The following WDFY4 variants were observed in gnomAD, a reference collection of about 807,000 sequenced individuals.
The protein encoded by WDFY4 is WD repeat- and FYVE domain-containing protein 4.
A neutral mutation model predicts 351.9 loss-of-function variants in WDFY4; 169 were observed. The ratio of observed to expected loss-of-function variants is 0.48; its 90% CI spans 0.42 to 0.55. The LOEUF (loss-of-function observed/expected upper bound fraction) is 0.55, where lower values mean the gene tolerates loss of function less well. WDFY4 is among the 20% of genes least tolerant of loss of function. The pLI is 0.00. For synonymous variants in WDFY4, 1,622 were observed against 1,574.6 expected (o/e 1.03, Z -0.71); for missense variants, 3,803 against 3,935.6 (o/e 0.97, Z 0.90).
chr10:48,876,710 GA>G (rs1398597727), intron 42 of WDFY4, among the ~76,000 whole-genome samples: 1 of 152,212 alleles, frequency 6.6e-6, no homozygotes, highest in East Asian at 1.9e-4. Context: ...CTGGGCCTCT[GA>G]GGAGTTGCTT....
At chr10:48,770,582 T>G (rs2065830510) in intron 13 of WDFY4, among the ~76,000 whole-genome samples, 2 of 151,100 alleles carry the variant, frequency 1.3e-5, no homozygotes, top group Admixed American at 1.3e-4. Flanking sequence ...ATGTTACTTT[T>G]TTGTTTTGAG....
chr10:48,957,590 C>T (rs938868440), intron 52 of WDFY4, among the ~76,000 whole-genome samples: 15 of 152,226 alleles, frequency 9.9e-5, no homozygotes, highest in African/African-American at 3.1e-4. Context: ...TAGCCCAGGC[C>T]TGGCACTGCC....
chr10:48,765,802 G>C (rs951357953), intron 13 of WDFY4, among the ~76,000 whole-genome samples: 3 of 152,316 alleles, frequency 2.0e-5, no homozygotes, highest in Admixed American at 2.0e-4. Context: ...GTCATCCTCA[G>C]TCTGCATCTC....
chr10:48,735,332 T>C (rs1246921532), intron 10 of WDFY4, among the ~76,000 whole-genome samples: 1 of 152,248 alleles, frequency 6.6e-6, no homozygotes, highest in East Asian at 1.9e-4. Flanking sequence ...CAAGGAACTA[T>C]CTAGAAATTA....
chr10:48,925,740 G>A (rs1204127503), intron 47 of WDFY4, among the ~76,000 whole-genome samples: 1 of 152,102 alleles, frequency 6.6e-6, no homozygotes, highest in African/African-American at 2.4e-5. Context: ...AGAAGCAGGG[G>A]TTGGAATCTT....
chr10:48,710,203 C>A (rs1171203199), intron 2 of WDFY4, among the ~76,000 whole-genome samples: 1 of 152,186 alleles, frequency 6.6e-6, no homozygotes, highest in African/African-American at 2.4e-5. Context: ...AACATTAAGG[C>A]ACATTAAGTG....
At chr10:48,755,530 GT>G (rs1344934003) in intron 12 of WDFY4, among the ~76,000 whole-genome samples, 1 of 152,166 alleles carries the variant, frequency 6.6e-6, no homozygotes, top group Non-Finnish European at 1.5e-5. Flanking sequence ...TTTGTACCAT[GT>G]GTGAAGTTTA....
At position 48,822,427 on chromosome 10, in the gene WDFY4, C is replaced by G; in HGVS notation, c.5872C>G (p.Leu1958Val). 1.3e-6 allele frequency: 2 copies of G among 1,551,342 alleles called. No homozygotes were observed. Among genetic ancestry groups the G allele is most frequent in the African/African-American group, 2.7e-5 (2 of 73,172 alleles). ...PSAEAAAAPSLANISCFTQKL... is the reference protein window; with the variant it reads ...PSAEAAAAPSVANISCFTQKL... ...TGCAGAAGCTGCTGCTGCCCCTTCT[C>G]TTGCCAACATCTCCTGCTTCACCCA... The change falls in exon 35 of 62, where the codon CTT becomes GTT. Residue 1958 changes from leucine to valine, a missense_variant. Leu to Val is a conservative substitution (Grantham distance 32). Around this residue, in one of 3 missense-constraint regions of WDFY4, gnomAD observed 3,054 missense variants for 3,148.6 expected, o/e 0.97. Transcript: ENST00000325239.
intron 19 of WDFY4, 122 bp downstream of exon 19, chr10:48,780,241 G>A (rs2066175057): frequency 7.9e-7 from 1 of 1,260,784 alleles, no homozygotes; most frequent in Non-Finnish European, 1.1e-6. Context: ...TTACTGGTAG[G>A]GTTGGCATCT....
chr10:48,802,419 C>T (rs1412116692), intron 24 of WDFY4, among the ~76,000 whole-genome samples: 2 of 152,134 alleles, frequency 1.3e-5, no homozygotes, highest in Non-Finnish European at 1.5e-5. Context: ...TTTTATGGCA[C>T]CTCTTGCCAC....
chr10:48,872,264 G>A (rs187221616), intron 40 of WDFY4, among the ~76,000 whole-genome samples: 2 of 152,298 alleles, frequency 1.3e-5, no homozygotes, highest in East Asian at 3.9e-4. Flanking sequence ...CAGATATCAT[G>A]CACTCATAAA....
intron 20 of WDFY4, among the ~76,000 whole-genome samples, chr10:48,787,922 T>TTCC (rs2066514269): frequency 2.7e-5 from 2 of 74,138 alleles, no homozygotes; most frequent in African/African-American, 1.3e-4. Flanking sequence ...CTTCTTCTTC[T>TTCC]TCTTCTTCTT....
At chr10:48,840,911 G>T (rs2068582687) in intron 39 of WDFY4, among the ~76,000 whole-genome samples, 1 of 152,108 alleles carries the variant, frequency 6.6e-6, no homozygotes, top group Non-Finnish European at 1.5e-5. Flanking sequence ...CATCATTTGT[G>T]AGACATCTTT....
chr10:48,711,187 G>A (rs891724371), intron 2 of WDFY4, among the ~76,000 whole-genome samples: 3 of 152,160 alleles, frequency 2.0e-5, no homozygotes, highest in African/African-American at 4.8e-5. Flanking sequence ...TTGGGAACAC[G>A]TTTATAGGAT....
At chr10:48,924,206 G>A (rs775285680) in intron 47 of WDFY4, among the ~76,000 whole-genome samples, 4 of 152,196 alleles carry the variant, frequency 2.6e-5, no homozygotes, top group Non-Finnish European at 4.4e-5. Context: ...CCCTTTCTGC[G>A]CTTCTCCCTG....
intron 9 of WDFY4, among the ~76,000 whole-genome samples, chr10:48,732,692 G>A (rs1468905134): frequency 6.6e-6 from 1 of 152,244 alleles, no homozygotes; most frequent in Non-Finnish European, 1.5e-5. Context: ...AATGTTGTGA[G>A]ATTTTAACGA....
At chr10:48,761,443 G>A (rs982956644) in intron 13 of WDFY4, among the ~76,000 whole-genome samples, 1 of 152,208 alleles carries the variant, frequency 6.6e-6, no homozygotes, top group African/African-American at 2.4e-5. Context: ...CGGTCCATGT[G>A]ATGTGTGGTG....
chr10:48,821,605 C>T lies in WDFY4; in HGVS notation c.5824+429C>T, dbSNP rs147687591. ...AAGATGCTGCCATGCCCCTTCAGAG[C>T]TTAAAATTGAAGGTTCATTCAAAAA... On this transcript the variant is annotated intron_variant, in intron 34 of 61. Transcript: ENST00000325239. Among the ~76,000 whole-genome samples, 20 of 152,316 alleles carry T rather than the reference C, an allele frequency of 1.3e-4. No homozygotes were observed. The East Asian group carries it at 2.9e-3, about 22-fold the overall frequency.
chr10:48,894,363 C>T (rs114674369), intron 44 of WDFY4, among the ~76,000 whole-genome samples: 2,527 of 152,258 alleles, frequency 0.017, 77 homozygotes, highest in African/African-American at 0.057. Context: ...GCATTTCTGC[C>T]TCCAGGGAGA....
Sources: gnomAD v4.1 joint callset for allele counts (sites outside exome capture counted in the v4.1 genomes callset) on GRCh38, gnomAD v4.1.1 for gene constraint, gnomAD v4.1.1 regional missense constraint, MANE v1.5 for transcripts, NCBI Gene and HGNC (gene_info 2026-07-23, HGNC 2026-07-21) for gene names.